Variants in RCOR1 observed in about 807,000 individuals in gnomAD.
The protein encoded by RCOR1 is REST corepressor 1, also known as REST corepressor.
Under a neutral mutation model 64.0 loss-of-function variants are expected in RCOR1, and 12 were observed. That is an observed-to-expected ratio of 0.19 (90% CI 0.12 to 0.30). RCOR1 has a LOEUF of 0.30. Among genes scored for constraint, RCOR1 ranks in the 10% least tolerant of loss-of-function variants. The probability of loss-of-function intolerance (pLI) is 1.00; values close to 1 mark genes in which losing one functional copy is unlikely to be tolerated. For synonymous variants in RCOR1, 279 were observed against 227.2 expected (o/e 1.23, Z -2.05); for missense variants, 502 against 621.2 (o/e 0.81, Z 2.04).
intron 11 of RCOR1, among the ~76,000 whole-genome samples, chr14:102,726,208 T>C (rs1387953695): frequency 6.6e-6 from 1 of 151,878 alleles, no homozygotes; most frequent in Non-Finnish European, 1.5e-5. Context: ...GTGCCTGTAG[T>C]TGCGGCTACT....
At chr14:102,622,922 T>A (rs1893904138) in intron 2 of RCOR1, among the ~76,000 whole-genome samples, 1 of 152,204 alleles carries the variant, frequency 6.6e-6, no homozygotes, top group South Asian at 2.1e-4. Context: ...ATGATGGAGT[T>A]CCCCTCTTTA....
chr14:102,654,213 C>T (rs1894674352), intron 2 of RCOR1, among the ~76,000 whole-genome samples: 2 of 151,892 alleles, frequency 1.3e-5, no homozygotes, highest in African/African-American at 2.4e-5. Context: ...TTTCGAACTC[C>T]TGACCTCAGG....
chr14:102,694,364 C>T (rs1895601146), intron 3 of RCOR1, among the ~76,000 whole-genome samples: 1 of 152,216 alleles, frequency 6.6e-6, no homozygotes, highest in African/African-American at 2.4e-5. Flanking sequence ...TCACGCCATT[C>T]TCCTGCCTCA....
At chr14:102,666,096 AG>A (rs200974446) in intron 2 of RCOR1, among the ~76,000 whole-genome samples, 1,540 of 152,288 alleles carry the variant, frequency 0.01, 16 homozygotes, top group Admixed American at 0.015. Flanking sequence ...GTGATCCTTG[AG>A]GGGTCTTGAA....
At position 102,592,731 on chromosome 14, in the gene RCOR1, G is replaced by T. The variant is rs1402507244; in HGVS notation, c.-156G>T. ...GGGGCTTGAAGCGGCTCCGCGCTCT[G>T]CCCGTTTGGGCCTCCCCCGACTCGG... On this transcript the variant is annotated 5_prime_UTR_variant, in exon 1 of 12. Transcript: ENST00000262241. 7 of 1,223,394 alleles carry T rather than the reference G, an allele frequency of 5.7e-6. No homozygotes were observed. The highest frequency in any genetic ancestry group is 7.1e-6 in the Non-Finnish European group (7 of 982,836). The allele number at this position is 1,223,394 out of a possible 1,614,324, so 75.8% of individuals were successfully genotyped here. A position where few individuals can be genotyped will look rare whatever the true frequency, so the allele number is the denominator to read the frequency against.
intron 3 of RCOR1, among the ~76,000 whole-genome samples, chr14:102,690,556 A>G (rs1895511708): frequency 6.6e-6 from 1 of 152,078 alleles, no homozygotes; most frequent in Non-Finnish European, 1.5e-5. Flanking sequence ...GCGCCACTGC[A>G]CTCCAGCCTG....
Position 102,728,974 on chromosome 14 carries a change from A to G in RCOR1, c.*2468A>G, listed in dbSNP as rs1375512773. 6.5e-6 allele frequency: 1 copy of G among 152,684 alleles called. No homozygotes were observed. The highest frequency in any genetic ancestry group is 1.5e-5 in the Non-Finnish European group (1 of 68,046). The allele number at this position is 152,684 out of a possible 1,614,324, so 9.5% of individuals were successfully genotyped here. A position where few individuals can be genotyped will look rare whatever the true frequency, so the allele number is the denominator to read the frequency against. On this transcript the variant is annotated 3_prime_UTR_variant, in exon 12 of 12. Coordinates refer to ENST00000262241, the MANE Select transcript of RCOR1 (RefSeq NM_015156.4). ...AGCGCAGTGGTTTGATCTTATTTAT[A>G]TGAAGACTTTTTAACATATCAAGAA...
intron 2 of RCOR1, among the ~76,000 whole-genome samples, chr14:102,596,271 T>G (rs1217578253): frequency 6.6e-6 from 1 of 151,994 alleles, no homozygotes; most frequent in Non-Finnish European, 1.5e-5. Flanking sequence ...CTGGCTAATT[T>G]TTTGTATTTA....
At chr14:102,709,546 G>T (rs1895918145) in intron 6 of RCOR1, among the ~76,000 whole-genome samples, 1 of 152,198 alleles carries the variant, frequency 6.6e-6, no homozygotes, top group South Asian at 2.1e-4. Flanking sequence ...AGAACACATT[G>T]AAAGTTGAGT....
At chr14:102,723,480 T>A (rs560864781) in intron 11 of RCOR1, among the ~76,000 whole-genome samples, 2 of 152,312 alleles carry the variant, frequency 1.3e-5, no homozygotes, top group East Asian at 3.9e-4. Flanking sequence ...TTTGTTAGAA[T>A]TAGATTCTTT....
At position 102,637,407 on chromosome 14, in the gene RCOR1, C is replaced by T. The variant is rs537050218; in HGVS notation, c.361+44082C>T. On this transcript the variant is annotated intron_variant, in intron 2 of 11. Coordinates refer to ENST00000262241, the MANE Select transcript of RCOR1 (RefSeq NM_015156.4). ...CCTCCCAAAGTGCTGGGATTACAGA[C>T]TTGAGCCACTGCACCTGGCCGCATA... Among the ~76,000 whole-genome samples the T allele has an allele frequency of 4.1e-3, 624 of 151,802 alleles. 6 individuals are homozygous for T. Among genetic ancestry groups the T allele is most frequent in the African/African-American group, 0.014 (591 of 41,392 alleles).
chr14:102,595,633 G>A lies in RCOR1; in HGVS notation c.361+2308G>A, dbSNP rs571096329. On this transcript the variant is annotated intron_variant, in intron 2 of 11. Transcript: ENST00000262241. ...TGCTCTGTCCCTCAGGCTGGAGTGC[G>A]CAGTGGTGTGATCTCAGCTCACTGC... 9.3e-5 allele frequency among the ~76,000 whole-genome samples: 14 copies of A among 150,114 alleles called. No individual in the cohort carries two copies. In the South Asian group the frequency reaches 1.9e-3, roughly 20 times the overall value.
chr14:102,654,079 G>A (rs547538812), intron 2 of RCOR1, among the ~76,000 whole-genome samples: 5 of 144,926 alleles, frequency 3.5e-5, no homozygotes, highest in Non-Finnish European at 6.0e-5. Flanking sequence ...TCTGCCTCCC[G>A]GGTTCACGCC....
chr14:102,607,043 C>G (rs970355953), intron 2 of RCOR1, among the ~76,000 whole-genome samples: 2 of 150,744 alleles, frequency 1.3e-5, no homozygotes, highest in African/African-American at 2.4e-5. Context: ...AAGTGGTTCT[C>G]CTGCCTCAGC....
At chr14:102,593,689 G>C (rs975273630) in intron 2 of RCOR1, among the ~76,000 whole-genome samples, 3 of 152,206 alleles carry the variant, frequency 2.0e-5, no homozygotes, top group Non-Finnish European at 4.4e-5. Context: ...CGGAGAGTTA[G>C]TGTCCTGCGA....
At chr14:102,717,608 G>T (rs1317210143) in intron 8 of RCOR1, among the ~76,000 whole-genome samples, 1 of 152,106 alleles carries the variant, frequency 6.6e-6, no homozygotes, top group African/African-American at 2.4e-5. Context: ...AACTGTCTCG[G>T]GCTGTGAGCT....
intron 2 of RCOR1, chr14:102,659,369 A>C (rs372871632): frequency 1.6e-6 from 1 of 624,872 alleles, no homozygotes; most frequent in Non-Finnish European, 2.0e-6. Context: ...TATTTTGGCT[A>C]TTCTGGTGGT....
At chr14:102,604,431 C>T (rs940452395) in intron 2 of RCOR1, among the ~76,000 whole-genome samples, 1 of 152,078 alleles carries the variant, frequency 6.6e-6, no homozygotes, top group African/African-American at 2.4e-5. Context: ...ACAAAACCCT[C>T]GAAAGAATGA....
chr14:102,659,998 G>A (rs1350616525), intron 2 of RCOR1, among the ~76,000 whole-genome samples: 1 of 152,204 alleles, frequency 6.6e-6, no homozygotes, highest in Admixed American at 6.5e-5. Context: ...TGCTCATGGT[G>A]TGCTGAGGCA....
Sources: allele counts gnomAD v4.1 joint callset (sites outside exome capture counted in the v4.1 genomes callset), GRCh38; gene constraint gnomAD v4.1.1; transcripts MANE v1.5; gene names NCBI Gene and HGNC (gene_info 2026-07-23, HGNC 2026-07-21).